Variants in GCLM observed in about 807,000 individuals in gnomAD.
GCLM encodes glutamate-cysteine ligase modifier subunit, also known as glutamate--cysteine ligase regulatory subunit.
In GCLM, 15 loss-of-function variants were observed where a neutral mutation model predicts 36.0. The ratio of observed to expected loss-of-function variants is 0.42; its 90% CI spans 0.28 to 0.64. The LOEUF (loss-of-function observed/expected upper bound fraction) is 0.64. Among genes scored for constraint, GCLM ranks in the 30% least tolerant of loss-of-function variants. The pLI is 0.25. For missense variants in GCLM, 242 were observed against 325.5 expected, an observed-to-expected ratio of 0.74 and a Z score of 1.97; for synonymous variants, 129 against 122.8, an observed-to-expected ratio of 1.05 and a Z score of -0.34.
At chr1:93,897,123 C>T (rs1172971873) in intron 4 of GCLM, among the ~76,000 whole-genome samples, 1 of 152,138 alleles carries the variant, frequency 6.6e-6, no homozygotes, top group Non-Finnish European at 1.5e-5. Flanking sequence ...CTTCTTGTTT[C>T]CTAGGTCCCA....
chr1:93,908,944 T>C lies in GCLM; in HGVS notation c.126+94A>G, dbSNP rs1005756525. 25 of 1,051,058 alleles carry C rather than the reference T, an allele frequency of 2.4e-5. No individual in the cohort carries two copies. The African/African-American group carries it at 4.2e-4, about 18-fold the overall frequency. 65.1% of individuals were successfully genotyped at this position (1,051,058 alleles called of 1,614,324 possible). On this transcript the variant is annotated intron_variant, in intron 1 of 6. Coordinates refer to ENST00000370238, the MANE Select transcript of GCLM (RefSeq NM_002061.4). ...AGGTGCGCGCGAGGCCCTGCCACCC[T>C]CCCTCGCCCGCGGGCGCTTCTCCCT...
At chr1:93,907,573 T>C (rs758915429) in intron 1 of GCLM, among the ~76,000 whole-genome samples, 1 of 152,178 alleles carries the variant, frequency 6.6e-6, no homozygotes, top group Non-Finnish European at 1.5e-5. Flanking sequence ...TATTGTGAGA[T>C]AGGTAAAATT....
chr1:93,886,244 A>G lies in GCLM; in HGVS notation c.*2746T>C, dbSNP rs139164563. ...TTTCATATTTACTGGAAAAAAAACA[A>G]TTATATAAACTTTCTACCTTGGTCT... On this transcript the variant is annotated 3_prime_UTR_variant, in exon 7 of 7. Transcript: ENST00000370238. The G allele has an allele frequency of 1.6e-3, 238 of 152,272 alleles. No homozygotes were observed. Among genetic ancestry groups the G allele is most frequent in the African/African-American group, 5.4e-3 (225 of 41,578 alleles). The allele number at this position is 152,272 out of a possible 1,614,324, so 9.4% of individuals were successfully genotyped here. A position where few individuals can be genotyped will look rare whatever the true frequency, so the allele number is the denominator to read the frequency against.
chr1:93,900,276 G>A (rs1239110139), intron 3 of GCLM, among the ~76,000 whole-genome samples: 3 of 152,202 alleles, frequency 2.0e-5, no homozygotes, highest in African/African-American at 4.8e-5. Context: ...TCTGAAGGAT[G>A]AGGCTTTTTT....
At chr1:93,902,322 G>T (rs1477755016) in intron 2 of GCLM, among the ~76,000 whole-genome samples, 1 of 152,008 alleles carries the variant, frequency 6.6e-6, no homozygotes, top group Non-Finnish European at 1.5e-5. Context: ...GGGACTACAG[G>T]TGCACGCCGC....
At chr1:93,894,151 G>A (rs12143416) in intron 6 of GCLM, among the ~76,000 whole-genome samples, 11 of 152,026 alleles carry the variant, frequency 7.2e-5, no homozygotes, top group African/African-American at 1.9e-4. Context: ...CCAGCTACTC[G>A]GAAGGCTGAG....
rs1028524407 is a variant in GCLM, at chr1:93,890,768, G to A, written c.656-1609C>T. On this transcript the variant is annotated intron_variant, in intron 6 of 6. Coordinates refer to ENST00000370238, the MANE Select transcript of GCLM (RefSeq NM_002061.4). ...GCCAAAGTACAAGTACATTCTTAAA[G>A]CTAGATACACGCTATATTGCCAACT... Among the ~76,000 whole-genome samples, 3 of 152,126 alleles carry A rather than the reference G, an allele frequency of 2.0e-5. No homozygotes were observed. The East Asian group carries it at 5.8e-4, about 29-fold the overall frequency.
In GCLM at chr1:93,898,303, G is replaced by GAAAAAAAAAAAAAAAAAAAAAAAAAAAAA. The variant is rs58007552; in HGVS notation, c.278-406_278-405insTTTTTTTTTTTTTTTTTTTTTTTTTTTTT. On this transcript the variant is annotated intron_variant, in intron 3 of 6. Transcript: ENST00000370238. ...TTGAAAATGTAATGAGAAGAAAACTGAAAAAAAAAAAAAAAAAAAAAAAAA... is the reference window on the plus strand; with the variant it reads ...TTGAAAATGTAATGAGAAGAAAACTGAAAAAAAAAAAAAAAAAAAAAAAAAAAAAAAAAAAAAAAAAAAAAAAAAAAAAA... Among the ~76,000 whole-genome samples the GAAAAAAAAAAAAAAAAAAAAAAAAAAAAA allele has an allele frequency of 7.9e-4, 13 of 16,442 alleles. 3 individuals carry two copies. Among genetic ancestry groups the GAAAAAAAAAAAAAAAAAAAAAAAAAAAAA allele is most frequent in the Admixed American group, 1.1e-3 (1 of 910 alleles). 10.8% of individuals were successfully genotyped at this position (16,442 alleles called of 152,430 possible). A position where few individuals can be genotyped will look rare whatever the true frequency, so the allele number is the denominator to read the frequency against.
chr1:93,896,297 A>C (rs560036794), intron 5 of GCLM, among the ~76,000 whole-genome samples: 1 of 152,188 alleles, frequency 6.6e-6, no homozygotes, highest in African/African-American at 2.4e-5. Context: ...TTTTCAGCAC[A>C]TAAGTAGAAC....
intron 6 of GCLM, among the ~76,000 whole-genome samples, chr1:93,891,165 G>A (rs142624974): frequency 0.016 from 2,369 of 152,196 alleles, 32 homozygotes; most frequent in Non-Finnish European, 0.024. Context: ...GGGATTACAG[G>A]TGTGAGCCAC....
At chr1:93,908,369 T>G (rs1257494891) in intron 1 of GCLM, among the ~76,000 whole-genome samples, 1 of 152,158 alleles carries the variant, frequency 6.6e-6, no homozygotes, top group East Asian at 1.9e-4. Context: ...AGATTATATT[T>G]GTACATATTT....
chr1:93,891,574 TA>T (rs1316739906), intron 6 of GCLM, among the ~76,000 whole-genome samples: 1 of 152,240 alleles, frequency 6.6e-6, no homozygotes, highest in East Asian at 1.9e-4. Context: ...CATTAGAATA[TA>T]AATTCCATGA....
chr1:93,905,706 G>A (rs1028707465), intron 1 of GCLM, among the ~76,000 whole-genome samples: 1 of 152,120 alleles, frequency 6.6e-6, no homozygotes, highest in Non-Finnish European at 1.5e-5. Context: ...TCCAAAGTAA[G>A]ACATACATTC....
chr1:93,895,632 G>A (rs1656698812), intron 5 of GCLM, among the ~76,000 whole-genome samples: 1 of 152,118 alleles, frequency 6.6e-6, no homozygotes, highest in South Asian at 2.1e-4. Flanking sequence ...TCAAGGAGAA[G>A]GGGAAATACT....
chr1:93,908,973 C>T, intron 1 of GCLM, 65 bp downstream of exon 1: 1 of 1,325,452 alleles, frequency 7.5e-7, no homozygotes, highest in Non-Finnish European at 9.7e-7. Flanking sequence ...TCTCCCTTGC[C>T]GGAACCGCCC....
Position 93,904,537 on chromosome 1 carries a change from G to C in GCLM, c.178C>G (p.Pro60Ala), listed in dbSNP as rs1476198139. ...TLNEWSSQIN[P>A]DLVREFPDVL... ...ATTTCACTTACCCTGACCAAATCTG[G>C]GTTGATTTGGGAACTCCATTCATTC... Residue 60 changes from proline (P) to alanine (A), a missense_variant, in exon 2 of 7, where the codon CCA becomes GCA. Pro to Ala is a conservative substitution (Grantham distance 27, BLOSUM62 -1). Coordinates refer to ENST00000370238, the MANE Select transcript of GCLM (RefSeq NM_002061.4). 2 of 1,606,588 alleles carry C rather than the reference G, an allele frequency of 1.2e-6. No homozygotes were observed. Among genetic ancestry groups the C allele is most frequent in the Non-Finnish European group, 1.7e-6 (2 of 1,173,356 alleles).
Position 93,909,324 on chromosome 1 carries a change from C to T in GCLM, c.-161G>A. On this transcript the variant is annotated 5_prime_UTR_variant, in exon 1 of 7. Transcript: ENST00000370238. ...CTGGAGCCTGGTCTGCGCTCGGGCC[C>T]GAGGGAGGCCGGACGGCGGCTGGGC... The T allele has an allele frequency of 9.7e-7, 1 of 1,035,496 alleles. No individual in the cohort carries two copies. Among genetic ancestry groups the T allele is most frequent in the Non-Finnish European group, 1.2e-6 (1 of 863,926 alleles). The allele number at this position is 1,035,496 out of a possible 1,614,324, so 64.1% of individuals were successfully genotyped here.
chr1:93,904,281 C>T (rs920893325), intron 2 of GCLM: 31 of 462,144 alleles, frequency 6.7e-5, no homozygotes, highest in Non-Finnish European at 9.8e-5. Context: ...AGTGAGGAAA[C>T]CATGGTGAGA....
At chr1:93,903,804 C>T (rs1426664181) in intron 2 of GCLM, among the ~76,000 whole-genome samples, 1 of 152,114 alleles carries the variant, frequency 6.6e-6, no homozygotes, top group East Asian at 1.9e-4. Context: ...AAGGCTTTCC[C>T]ATGATTCTTG....
Sources: gnomAD v4.1 joint callset for allele counts (sites outside exome capture counted in the v4.1 genomes callset) on GRCh38, gnomAD v4.1.1 for gene constraint, MANE v1.5 for transcripts, NCBI Gene and HGNC (gene_info 2026-07-23, HGNC 2026-07-21) for gene names.